The following ZDHHC11 variants were observed in gnomAD, a reference collection of about 807,000 sequenced individuals.
The protein encoded by ZDHHC11 is palmitoyltransferase ZDHHC11.
Under a neutral mutation model 51.3 loss-of-function variants are expected in ZDHHC11, and 44 were observed. The ratio of observed to expected loss-of-function variants is 0.86; its 90% CI spans 0.67 to 1.10. The LOEUF (loss-of-function observed/expected upper bound fraction) is 1.10. ZDHHC11 is among the 50% of genes least tolerant of loss of function. ZDHHC11 has a pLI of 0.00. For missense variants in ZDHHC11, 400 were observed against 537.7 expected, an observed-to-expected ratio of 0.74 and a Z score of 2.53; for synonymous variants, 163 against 222.0, an observed-to-expected ratio of 0.73 and a Z score of 2.36.
intron 11 of ZDHHC11, among the ~76,000 whole-genome samples, chr5:813,034 C>T (rs148573297): frequency 7.0e-6 from 1 of 143,748 alleles, no homozygotes. Flanking sequence ...TAAATTCTCC[C>T]CCATCTAAAT....
intron 8 of ZDHHC11, among the ~76,000 whole-genome samples, chr5:824,782 A>C (rs1392633931): frequency 2.6e-5 from 4 of 151,370 alleles, no homozygotes; most frequent in Admixed American, 2.0e-4. Flanking sequence ...AAAAAAAAAA[A>C]AAACAGCACA....
At chr5:803,671 C>T (rs2150288660) in intron 11 of ZDHHC11, among the ~76,000 whole-genome samples, 1 of 151,154 alleles carries the variant, frequency 6.6e-6, no homozygotes, top group East Asian at 1.9e-4. Flanking sequence ...AAAGTTCAGA[C>T]ATTTGAACTA....
intron 12 of ZDHHC11, among the ~76,000 whole-genome samples, chr5:799,633 G>A (rs1360693584): frequency 6.6e-6 from 1 of 151,250 alleles, no homozygotes; most frequent in Non-Finnish European, 1.5e-5. Context: ...CTCAGGCTCT[G>A]CTACTCCTCA....
At chr5:817,289 A>C (rs962621566) in intron 10 of ZDHHC11, among the ~76,000 whole-genome samples, 1 of 151,520 alleles carries the variant, frequency 6.6e-6, no homozygotes, top group Non-Finnish European at 1.5e-5. Flanking sequence ...TCAATACTTT[A>C]TACTATAGCT....
chr5:824,849 G>A lies in ZDHHC11; in HGVS notation c.1023+315C>T, dbSNP rs1297319574. On this transcript the variant is annotated intron_variant, in intron 8 of 12. Coordinates refer to ENST00000283441, the MANE Select transcript of ZDHHC11 (RefSeq NM_024786.3). ...ATCCTTTATCACAGCACTGTCCCTCGCTGCATGTTCTGGGCACTTCAGAGC... is the reference window on the plus strand; with the variant it reads ...ATCCTTTATCACAGCACTGTCCCTCACTGCATGTTCTGGGCACTTCAGAGC... Among the ~76,000 whole-genome samples, 19 of 150,720 alleles carry A rather than the reference G, an allele frequency of 1.3e-4. 2 individuals are homozygous for A. Among genetic ancestry groups the A allele is most frequent in the Admixed American group, 2.0e-4 (3 of 15,166 alleles).
At chr5:835,231 A>G (rs1743664283) in intron 6 of ZDHHC11, among the ~76,000 whole-genome samples, 1 of 151,192 alleles carries the variant, frequency 6.6e-6, no homozygotes, top group Admixed American at 6.6e-5. Flanking sequence ...ATCTTTGTAC[A>G]GGTATGAAGA....
chr5:840,934 G>T lies in ZDHHC11; in HGVS notation c.629-284C>A, dbSNP rs1180119720. 1.2e-4 allele frequency: 161 copies of T among 1,384,946 alleles called. 1 individual carries two copies. Among genetic ancestry groups the T allele is most frequent in the Middle Eastern group, 2.7e-4 (1 of 3,726 alleles). The allele number at this position is 1,384,946 out of a possible 1,614,324, so 85.8% of individuals were successfully genotyped here. ...TGCCCACCCCTTCCTAAGTGCTGGG[G>T]TCACAGCGCCCACCCCTTGCTCACT... On this transcript the variant is annotated intron_variant, in intron 4 of 12. Coordinates refer to ENST00000283441, the MANE Select transcript of ZDHHC11 (RefSeq NM_024786.3).
intron 6 of ZDHHC11, among the ~76,000 whole-genome samples, chr5:835,765 A>C (rs994745102): frequency 1.4e-4 from 21 of 151,828 alleles, no homozygotes; most frequent in African/African-American, 4.8e-4. Context: ...AGCGTCTCTG[A>C]CTTCTCTCAG....
At chr5:817,075 A>G (rs1326771753) in intron 10 of ZDHHC11, 14 of 177,150 alleles carry the variant, frequency 7.9e-5, no homozygotes, top group African/African-American at 2.9e-4. Flanking sequence ...AAAATGGGTA[A>G]AGTAAGAACT....
rs1554047801 is a variant in ZDHHC11 at position 797,226 on chromosome 5, G to GTGTA, written c.*8-647_*8-646insTACA. On this transcript the variant is annotated intron_variant, in intron 12 of 12. Transcript: ENST00000283441. ...TGTCTAAATACATATGTGTGTGTGT[G>GTGTA]TATATATATATATATTCTTTGTTTA... Among the ~76,000 whole-genome samples the GTGTA allele has an allele frequency of 3.3e-4, 41 of 125,664 alleles. No homozygotes were observed. The South Asian group carries it at 4.7e-3, about 14-fold the overall frequency. 82.4% of individuals were successfully genotyped at this position (125,664 alleles called of 152,430 possible). A position where few individuals can be genotyped will look rare whatever the true frequency, so the allele number is the denominator to read the frequency against.
At chr5:805,860 T>C (rs1739170205) in intron 11 of ZDHHC11, among the ~76,000 whole-genome samples, 1 of 151,318 alleles carries the variant, frequency 6.6e-6, no homozygotes, top group Non-Finnish European at 1.5e-5. Context: ...CCCTGAGATA[T>C]GGAGGGTCCC....
rs373968624 is a variant in ZDHHC11 at position 807,554 on chromosome 5, G to A, written c.1182-6390C>T. Among the ~76,000 whole-genome samples, 791 of 151,480 alleles carry A rather than the reference G, an allele frequency of 5.2e-3. 4 individuals are homozygous for A. Among genetic ancestry groups the A allele is most frequent in the East Asian group, 0.046 (238 of 5,140 alleles). On this transcript the variant is annotated intron_variant, in intron 11 of 12. Coordinates refer to ENST00000283441, the MANE Select transcript of ZDHHC11 (RefSeq NM_024786.3). ...ATGAATCTGTTCCCACCCAGGATTG[G>A]GATTCGTGTGACTCTGGGCACCTGG...
intron 7 of ZDHHC11, 42 bp from the exon 8 acceptor site, chr5:825,293 G>C (rs1354523970): frequency 1.9e-6 from 3 of 1,594,608 alleles, no homozygotes; most frequent in Admixed American, 1.7e-5. Flanking sequence ...TCTCAGCTTT[G>C]TAGGGGGACT....
chr5:833,952 C>T (rs1743411293), intron 6 of ZDHHC11, 145 bp from the exon 7 acceptor site: 1 of 615,262 alleles, frequency 1.6e-6, no homozygotes, highest in Non-Finnish European at 3.0e-6. Flanking sequence ...GATCTCAGAA[C>T]CACTTACGTG....
intron 5 of ZDHHC11, among the ~76,000 whole-genome samples, chr5:839,169 G>C (rs1356858230): frequency 2.1e-5 from 2 of 94,332 alleles, no homozygotes; most frequent in African/African-American, 8.9e-5. Context: ...AAATATAAGA[G>C]AGATTGCTAG....
intron 10 of ZDHHC11, chr5:816,352 G>C: frequency 2.8e-6 from 1 of 359,354 alleles, no homozygotes; most frequent in East Asian, 6.7e-5. Flanking sequence ...ACAGATGGCG[G>C]CAGCAGCTGC....
chr5:802,492 T>C (rs1738569520), intron 11 of ZDHHC11, among the ~76,000 whole-genome samples: 1 of 143,982 alleles, frequency 6.9e-6, no homozygotes, highest in Non-Finnish European at 1.5e-5. Context: ...GATAATTGTG[T>C]TGTAAAAGTG....
chr5:809,455 A>C (rs1206226534), intron 11 of ZDHHC11, among the ~76,000 whole-genome samples: 1 of 149,382 alleles, frequency 6.7e-6, no homozygotes, highest in Non-Finnish European at 1.5e-5. Context: ...TGCCTTCAGA[A>C]CACGCATGTG....
chr5:820,910 A>G (rs867611145), intron 9 of ZDHHC11, among the ~76,000 whole-genome samples: 22 of 151,524 alleles, frequency 1.5e-4, no homozygotes, highest in Admixed American at 3.3e-4. Context: ...CAGACCCATG[A>G]GACAGACACA....
Sources: gnomAD v4.1 joint callset for allele counts (sites outside exome capture counted in the v4.1 genomes callset) on GRCh38, gnomAD v4.1.1 for gene constraint, MANE v1.5 for transcripts, NCBI Gene and HGNC (gene_info 2026-07-23, HGNC 2026-07-21) for gene names.